The following TP53BP2 variants were observed in gnomAD, a reference collection of about 807,000 sequenced individuals.
TP53BP2 encodes the protein apoptosis-stimulating of p53 protein 2.
Under a neutral mutation model 126.2 loss-of-function variants are expected in TP53BP2, and 62 were observed. That is an observed-to-expected ratio of 0.49 (90% confidence interval 0.40 to 0.61). The LOEUF (loss-of-function observed/expected upper bound fraction) is 0.61, where lower values mean the gene tolerates loss of function less well. Ranked by LOEUF, TP53BP2 falls within the 20% of genes least tolerant of loss-of-function variation. TP53BP2 has a pLI of 0.00. For synonymous variants in TP53BP2, 485 were observed against 502.9 expected, an observed-to-expected ratio of 0.96 and a Z score of 0.48; for missense variants, 1,215 against 1,402.8, an observed-to-expected ratio of 0.87 and a Z score of 2.14.
intron 15 of TP53BP2, among the ~76,000 whole-genome samples, chr1:223,791,094 A>G (rs1662139676): frequency 6.6e-6 from 1 of 152,094 alleles, no homozygotes; most frequent in South Asian, 2.1e-4. Context: ...AACATTACAT[A>G]TGTATTAGGA....
intron 2 of TP53BP2, among the ~76,000 whole-genome samples, chr1:223,820,907 G>C (rs1270415973): frequency 1.3e-5 from 2 of 152,122 alleles, no homozygotes; most frequent in Non-Finnish European, 2.9e-5. Context: ...AACCAGTTAG[G>C]ATGCCTCAAA....
chr1:223,845,014 G>A (rs1477148877), intron 1 of TP53BP2, among the ~76,000 whole-genome samples: 1 of 152,186 alleles, frequency 6.6e-6, no homozygotes, highest in Admixed American at 6.5e-5. Flanking sequence ...CCTGGTGGCC[G>A]TGTCAAAAGC....
intron 1 of TP53BP2, among the ~76,000 whole-genome samples, chr1:223,839,559 T>C (rs73114404): frequency 0.031 from 4,731 of 152,332 alleles, 247 homozygotes; most frequent in African/African-American, 0.11. Flanking sequence ...TTTTCTATGC[T>C]TGTGCCTTAA....
intron 2 of TP53BP2, among the ~76,000 whole-genome samples, chr1:223,814,652 T>C (rs955940918): frequency 6.6e-6 from 1 of 152,216 alleles, no homozygotes; most frequent in South Asian, 2.1e-4. Flanking sequence ...ATTTAACTTC[T>C]GTGGTTCCAA....
rs886582355 is a variant in TP53BP2, at chr1:223,814,246, C to G, written c.283G>C (p.Asp95His). 12 of 1,612,644 alleles carry G rather than the reference C, an allele frequency of 7.4e-6. No individual in the cohort carries two copies. The highest frequency in any genetic ancestry group is 1.0e-5 in the Non-Finnish European group (12 of 1,178,772). The change falls in exon 3 of 18, where the codon GAC (aspartate) becomes CAC (histidine). Residue 95 changes from aspartate to histidine, a missense_variant. Physicochemically the swap from Asp to His is moderately conservative, Grantham distance 81. Around this residue, in one of 4 missense-constraint regions of TP53BP2, gnomAD observed 814 missense variants for 853.0 expected, o/e 0.95. Coordinates refer to ENST00000343537, the MANE Select transcript of TP53BP2 (RefSeq NM_001031685.3). ...TTCACAGAGCACTACCTACCAATGT[C>G]CCTGCCAGGGGGGCGTTCATGACGA... is the stretch of plus-strand genomic sequence containing the variant. ...FLRHERPPGR[D>H]IVSGPRSQDP...
At chr1:223,835,531 T>C (rs910814035) in intron 1 of TP53BP2, among the ~76,000 whole-genome samples, 1 of 152,208 alleles carries the variant, frequency 6.6e-6, no homozygotes, top group African/African-American at 2.4e-5. Context: ...TTTCATTCTG[T>C]TTTTTACTTT....
At chr1:223,801,692 A>G (rs1258677556) in intron 9 of TP53BP2, among the ~76,000 whole-genome samples, 1 of 152,236 alleles carries the variant, frequency 6.6e-6, no homozygotes. Context: ...CTCACATGTA[A>G]GCAGATATGA....
chr1:223,844,668 TGA>T, intron 1 of TP53BP2, among the ~76,000 whole-genome samples: 1 of 152,262 alleles, frequency 6.6e-6, no homozygotes, highest in African/African-American at 2.4e-5. Flanking sequence ...GTCGACCCAG[TGA>T]GAGTTTGGGA....
chr1:223,792,204 G>T (rs568571647), intron 15 of TP53BP2, among the ~76,000 whole-genome samples, 185 bp downstream of exon 15: 21 of 152,300 alleles, frequency 1.4e-4, no homozygotes, highest in African/African-American at 5.1e-4. Flanking sequence ...GGATGGGAAT[G>T]AGATGACTGT....
chr1:223,799,065 C>A lies in TP53BP2; in HGVS notation c.1486-388G>T, dbSNP rs182203072. Among the ~76,000 whole-genome samples the A allele has an allele frequency of 5.9e-5, 9 of 152,162 alleles. No individual in the cohort carries two copies. The East Asian group carries it at 1.7e-3, about 29-fold the overall frequency. ...CCAGCCTGGGCAACAGAACAAGACT[C>A]CATCTCGGAAAATATATCTATATAA... is the stretch of plus-strand genomic sequence containing the variant. On this transcript the variant is annotated intron_variant, in intron 11 of 17. Coordinates refer to ENST00000343537, the MANE Select transcript of TP53BP2 (RefSeq NM_001031685.3).
At chr1:223,794,715 G>T (rs968290501) in intron 13 of TP53BP2, among the ~76,000 whole-genome samples, 1 of 152,174 alleles carries the variant, frequency 6.6e-6, no homozygotes, top group Non-Finnish European at 1.5e-5. Flanking sequence ...AACTCAAAGA[G>T]AATCAAGCCT....
chr1:223,843,837 A>G (rs1460514422), intron 1 of TP53BP2, among the ~76,000 whole-genome samples: 1 of 152,238 alleles, frequency 6.6e-6, no homozygotes, highest in Non-Finnish European at 1.5e-5. Flanking sequence ...TACAGTATAA[A>G]GACACATATA....
intron 1 of TP53BP2, among the ~76,000 whole-genome samples, chr1:223,829,186 T>C (rs1663609736): frequency 6.6e-6 from 1 of 151,944 alleles, no homozygotes; most frequent in South Asian, 2.1e-4. Context: ...CACAAAAAAT[T>C]AGCCAAGCAT....
intron 1 of TP53BP2, among the ~76,000 whole-genome samples, chr1:223,839,011 T>C (rs1352629890): frequency 7.0e-6 from 1 of 142,234 alleles, no homozygotes; most frequent in Admixed American, 7.0e-5. Flanking sequence ...TCCATTTTTT[T>C]CTTTTTTTTT....
rs777894204 is a variant in TP53BP2, at chr1:223,845,665, T to A, written c.16A>T (p.Lys6Ter). ...GCTCGCCCACTTACCGGCATCATCT[T>A]GGACCCGAACCGCATGGAAGCGGGT... MRFGS[K>*]MMPMFLTVYL... Residue 6 changes from lysine to a stop codon, truncating the protein, a stop_gained, in exon 1 of 18, where the codon AAG becomes TAG. Coordinates refer to ENST00000343537, the MANE Select transcript of TP53BP2 (RefSeq NM_001031685.3). LOFTEE classifies it high-confidence loss of function. 3 of 1,554,318 alleles carry A rather than the reference T, an allele frequency of 1.9e-6. No individual in the cohort carries two copies. The highest frequency in any genetic ancestry group is 2.6e-6 in the Non-Finnish European group (3 of 1,157,698).
chr1:223,798,172 T>C lies in TP53BP2; in HGVS notation c.1948+43A>G. The C allele has an allele frequency of 3.9e-6, 6 of 1,544,884 alleles. No homozygotes were observed. In the South Asian group the frequency reaches 4.8e-5, roughly 12 times the overall value. On this transcript the variant is annotated intron_variant, in intron 12 of 17. Coordinates refer to ENST00000343537, the MANE Select transcript of TP53BP2 (RefSeq NM_001031685.3). ...TGCTGAGGGATGGCTTAAGTTCTGG[T>C]ATAGAACTTAAGCACGTCACCTATG...
chr1:223,782,296 C>G (rs1241121921), intron 17 of TP53BP2, among the ~76,000 whole-genome samples: 2 of 152,116 alleles, frequency 1.3e-5, no homozygotes, highest in African/African-American at 4.8e-5. Context: ...AAGTAAGCAA[C>G]TAGTTCTAAG....
intron 1 of TP53BP2, among the ~76,000 whole-genome samples, chr1:223,840,583 T>C (rs1324677121): frequency 1.3e-5 from 2 of 152,208 alleles, no homozygotes; most frequent in Non-Finnish European, 2.9e-5. Context: ...GAATACTCAG[T>C]GTTAACTTCA....
At chr1:223,782,524 C>T (rs139576852) in intron 17 of TP53BP2, among the ~76,000 whole-genome samples, 3 of 152,252 alleles carry the variant, frequency 2.0e-5, no homozygotes, top group African/African-American at 7.2e-5. Flanking sequence ...ACAGGGTCAC[C>T]GAGGCTGGAG....
Sources: gnomAD v4.1 joint callset for allele counts (sites outside exome capture counted in the v4.1 genomes callset) on GRCh38, gnomAD v4.1.1 for gene constraint, gnomAD v4.1.1 regional missense constraint, MANE v1.5 for transcripts, NCBI Gene and HGNC (gene_info 2026-07-23, HGNC 2026-07-21) for gene names.